Variants in OPRD1 observed in about 807,000 individuals in gnomAD.
The protein encoded by OPRD1 is opioid receptor delta 1.
OPRD1 carries 19 observed loss-of-function variants against 17.5 expected under a neutral mutation model. The observed-to-expected ratio is 1.09, with a 90% CI of 0.76 to 1.60. The LOEUF (loss-of-function observed/expected upper bound fraction) is 1.60. OPRD1 is among the 40% of genes most tolerant of loss of function. The probability of loss-of-function intolerance (pLI) is 0.00; values close to 1 mark genes in which losing one functional copy is unlikely to be tolerated. For synonymous variants in OPRD1, 256 were observed against 240.9 expected, an observed-to-expected ratio of 1.06 and a Z score of -0.58; for missense variants, 483 against 547.2, an observed-to-expected ratio of 0.88 and a Z score of 1.17.
At chr1:28,813,774 G>A (rs945255273) in intron 1 of OPRD1, among the ~76,000 whole-genome samples, 1 of 152,180 alleles carries the variant, frequency 6.6e-6, no homozygotes, top group Admixed American at 6.5e-5. Context: ...ACCATGCAGG[G>A]CATAGGTCAG....
intron 1 of OPRD1, among the ~76,000 whole-genome samples, chr1:28,823,317 C>T (rs1396081837): frequency 1.3e-5 from 2 of 151,674 alleles, no homozygotes; most frequent in African/African-American, 4.8e-5. Flanking sequence ...ATGCCTCAGC[C>T]TCCCAAGTAG....
At chr1:28,842,337 G>A (rs771338576) in intron 1 of OPRD1, among the ~76,000 whole-genome samples, 1 of 152,198 alleles carries the variant, frequency 6.6e-6, no homozygotes, top group African/African-American at 2.4e-5. Flanking sequence ...CCTGAGCACC[G>A]GGCATTTAGA....
At chr1:28,815,794 G>A (rs1397466467) in intron 1 of OPRD1, among the ~76,000 whole-genome samples, 1 of 152,212 alleles carries the variant, frequency 6.6e-6, no homozygotes, top group African/African-American at 2.4e-5. Flanking sequence ...CTGCCTGTCA[G>A]TCCTGAGCTT....
At chr1:28,820,094 G>A (rs1468172746) in intron 1 of OPRD1, among the ~76,000 whole-genome samples, 7 of 151,946 alleles carry the variant, frequency 4.6e-5, no homozygotes, top group Non-Finnish European at 8.8e-5. Flanking sequence ...TTTGGTATGT[G>A]GTCAATAAAC....
In OPRD1 at chr1:28,863,639, T is replaced by G; in HGVS notation, c.*356T>G. 2 of 240,704 alleles carry G rather than the reference T, an allele frequency of 8.3e-6. No individual in the cohort carries two copies. The highest frequency in any genetic ancestry group is 1.6e-5 in the Non-Finnish European group (2 of 125,730). The allele number at this position is 240,704 out of a possible 1,614,324, so 14.9% of individuals were successfully genotyped here. ...CTCCAGGAAGGCGGGGCTTCAACCT[T>G]GAGACAGCTTCGGTTTCTAACTTGG... On this transcript the variant is annotated 3_prime_UTR_variant, in exon 3 of 3. Transcript: ENST00000234961.
intron 1 of OPRD1, among the ~76,000 whole-genome samples, chr1:28,850,796 AATAATAATAATAATAATAAT>A (rs1389141383): frequency 7.7e-5 from 5 of 65,282 alleles, no homozygotes; most frequent in African/African-American, 4.6e-4. Flanking sequence ...TAATAATAAT[AATAATAATAATAATAATAAT>A]AATAATAATA....
rs2088635183 is a variant in OPRD1, at chr1:28,812,202, C to T, written c.-182C>T. 1.0e-5 allele frequency: 2 copies of T among 200,766 alleles called. No individual in the cohort carries two copies. The highest frequency in any genetic ancestry group is 1.9e-5 in the Non-Finnish European group (2 of 107,882). 12.4% of individuals were successfully genotyped at this position (200,766 alleles called of 1,614,324 possible). The stretch of plus-strand genomic sequence containing the variant: ...TCCGGGCGAGGAGAGCGGGCGGACG[C>T]CGGGGGCTGGGCCGGTGCGGGCGGC... On this transcript the variant is annotated 5_prime_UTR_variant, in exon 1 of 3. Coordinates refer to ENST00000234961, the MANE Select transcript of OPRD1 (RefSeq NM_000911.4).
chr1:28,822,112 C>T (rs186375260), intron 1 of OPRD1, among the ~76,000 whole-genome samples: 9 of 151,962 alleles, frequency 5.9e-5, no homozygotes, highest in Non-Finnish European at 8.8e-5. Flanking sequence ...CCACCATGCC[C>T]GGCTAACTTT....
intron 1 of OPRD1, among the ~76,000 whole-genome samples, chr1:28,830,993 C>A (rs1279066512): frequency 6.6e-6 from 1 of 152,258 alleles, no homozygotes; most frequent in Non-Finnish European, 1.5e-5. Flanking sequence ...GCTGCTTCTC[C>A]TGGCCCCACC....
intron 1 of OPRD1, among the ~76,000 whole-genome samples, chr1:28,818,771 G>A (rs1158043591): frequency 6.6e-6 from 1 of 152,178 alleles, no homozygotes; most frequent in Non-Finnish European, 1.5e-5. Flanking sequence ...TTGGAGGCAG[G>A]TGTTCTCATG....
chr1:28,817,814 C>T (rs904406355), intron 1 of OPRD1, among the ~76,000 whole-genome samples: 22 of 151,054 alleles, frequency 1.5e-4, no homozygotes, highest in Admixed American at 1.3e-3. Context: ...AAGGGATTCT[C>T]GTGCCTCAGC....
intron 1 of OPRD1, among the ~76,000 whole-genome samples, chr1:28,853,882 C>T (rs796378270): frequency 1.8e-4 from 27 of 150,886 alleles, no homozygotes; most frequent in African/African-American, 4.6e-4. Flanking sequence ...GCTGGGATTA[C>T]GGTGCTCACC....
In OPRD1 at chr1:28,864,455, G is replaced by T. The variant is rs564824057; in HGVS notation, c.*1172G>T. 6.6e-6 allele frequency: 1 copy of T among 152,358 alleles called. No individual in the cohort carries two copies. Among genetic ancestry groups the T allele is most frequent in the East Asian group, 1.9e-4 (1 of 5,170 alleles). 9.4% of individuals were successfully genotyped at this position (152,358 alleles called of 1,614,324 possible). ...ACTCCAGGATAGGGTAATAAGACAG[G>T]ACCTTGGTTGGAGTAGGGTCCCCAG... On this transcript the variant is annotated 3_prime_UTR_variant, in exon 3 of 3. Transcript: ENST00000234961.
chr1:28,824,720 G>A lies in OPRD1; in HGVS notation c.227+12110G>A, dbSNP rs537941775. ...TTTGCAGACCTCGTAGGAGGTGAGT[G>A]TGTTGCCCCCATTGTATACATAAGG... On this transcript the variant is annotated intron_variant, in intron 1 of 2. Transcript: ENST00000234961. Among the ~76,000 whole-genome samples, 4 of 152,272 alleles carry A rather than the reference G, an allele frequency of 2.6e-5. No homozygotes were observed. In the East Asian group the frequency reaches 5.8e-4, roughly 22 times the overall value.
intron 1 of OPRD1, among the ~76,000 whole-genome samples, chr1:28,842,368 T>G (rs1347212907): frequency 6.6e-6 from 1 of 152,216 alleles, no homozygotes; most frequent in South Asian, 2.1e-4. Flanking sequence ...TCTGACCAAC[T>G]GCTCTGGCTT....
At chr1:28,844,259 CT>C (rs2088920797) in intron 1 of OPRD1, among the ~76,000 whole-genome samples, 1 of 149,184 alleles carries the variant, frequency 6.7e-6, no homozygotes, top group Non-Finnish European at 1.5e-5. Context: ...TGTTGAGCAT[CT>C]TTTCATGGGC....
chr1:28,846,402 T>G (rs1380462494), intron 1 of OPRD1, among the ~76,000 whole-genome samples: 1 of 150,802 alleles, frequency 6.6e-6, no homozygotes, highest in African/African-American at 2.4e-5. Context: ...TCTAGATGGC[T>G]GCCTCATCAC....
In OPRD1 at chr1:28,866,350, A is replaced by T. The variant is rs1467830067; in HGVS notation, c.*3067A>T. The T allele has an allele frequency of 6.6e-6, 1 of 152,268 alleles. No individual in the cohort carries two copies. Among genetic ancestry groups the T allele is most frequent in the Admixed American group, 6.5e-5 (1 of 15,270 alleles). The allele number at this position is 152,268 out of a possible 1,614,324, so 9.4% of individuals were successfully genotyped here. A position where few individuals can be genotyped will look rare whatever the true frequency, so the allele number is the denominator to read the frequency against. ...GGATGAATAGGAGTTGGCCACCAAA[A>T]AGAGGAAATAGCGTGTGCGGAGGCA... On this transcript the variant is annotated 3_prime_UTR_variant, in exon 3 of 3. Coordinates refer to ENST00000234961, the MANE Select transcript of OPRD1 (RefSeq NM_000911.4).
chr1:28,863,106 C>T lies in OPRD1; in HGVS notation c.942C>T (p.Asn314=). The change falls in exon 3 of 3, where the codon AAC becomes AAT. Residue 314 remains asparagine (N), a synonymous_variant. Coordinates refer to ENST00000234961, the MANE Select transcript of OPRD1 (RefSeq NM_000911.4). ...TGGGCTACGCCAATAGCAGCCTCAA[C>T]CCCGTGCTCTACGCTTTCCTCGACG... ...IALGYANSSL[N]PVLYAFLDEN... 1.9e-6 allele frequency: 3 copies of T among 1,610,556 alleles called. No individual in the cohort carries two copies. Among genetic ancestry groups the T allele is most frequent in the Non-Finnish European group, 2.5e-6 (3 of 1,179,200 alleles).
Sources: gnomAD v4.1 joint callset for allele counts (sites outside exome capture counted in the v4.1 genomes callset) on GRCh38, gnomAD v4.1.1 for gene constraint, MANE v1.5 for transcripts, NCBI Gene and HGNC (gene_info 2026-07-23, HGNC 2026-07-21) for gene names.